KCNQ3: variants seen among roughly 807,000 people sequenced by gnomAD.
KCNQ3 encodes the protein potassium voltage-gated channel subfamily KQT member 3.
In KCNQ3, 30 loss-of-function variants were observed where a neutral mutation model predicts 92.5. The ratio of observed to expected loss-of-function variants is 0.32; its 90% CI spans 0.24 to 0.44. The LOEUF (loss-of-function observed/expected upper bound fraction) is 0.44. Among genes scored for constraint, KCNQ3 ranks in the 20% least tolerant of loss-of-function variants. The pLI, the probability that KCNQ3 is intolerant of heterozygous loss-of-function variation, is 1.00. For missense variants in KCNQ3, 913 were observed against 1,140.3 expected, an observed-to-expected ratio of 0.80 and a Z score of 2.87; for synonymous variants, 450 against 468.8, an observed-to-expected ratio of 0.96 and a Z score of 0.52.
chr8:132,461,585 A>AAAAGT (rs1822063288), intron 1 of KCNQ3, among the ~76,000 whole-genome samples: 1 of 152,142 alleles, frequency 6.6e-6, no homozygotes, highest in Admixed American at 6.6e-5. Flanking sequence ...AAAAGAAAAG[A>AAAAGT]AAAGGCACCC....
At chr8:132,293,022 A>G (rs1302909427) in intron 1 of KCNQ3, among the ~76,000 whole-genome samples, 2 of 152,002 alleles carry the variant, frequency 1.3e-5, no homozygotes, top group Admixed American at 1.3e-4. Flanking sequence ...TCCATAGAAA[A>G]CCCAAGAGAA....
At chr8:132,285,807 T>C (rs1252395330) in intron 1 of KCNQ3, among the ~76,000 whole-genome samples, 1 of 152,182 alleles carries the variant, frequency 6.6e-6, no homozygotes, top group South Asian at 2.1e-4. Flanking sequence ...GAGGGCAGAA[T>C]GGTTTTCTGG....
intron 1 of KCNQ3, among the ~76,000 whole-genome samples, chr8:132,362,590 T>C (rs966521766): frequency 2.6e-5 from 4 of 152,154 alleles, no homozygotes; most frequent in Non-Finnish European, 5.9e-5. Context: ...TTGTGCTTGC[T>C]CCTGAGTAAG....
At chr8:132,219,435 T>C (rs1814145798) in intron 1 of KCNQ3, among the ~76,000 whole-genome samples, 1 of 152,148 alleles carries the variant, frequency 6.6e-6, no homozygotes, top group Non-Finnish European at 1.5e-5. Context: ...ACTGGTGACT[T>C]GGTAAACCCA....
At chr8:132,380,166 AT>A (rs1819709744) in intron 1 of KCNQ3, among the ~76,000 whole-genome samples, 1 of 152,170 alleles carries the variant, frequency 6.6e-6, no homozygotes. Context: ...TAAAAGCCTC[AT>A]GTTTACTGAT....
intron 1 of KCNQ3, among the ~76,000 whole-genome samples, chr8:132,255,118 C>A (rs968994333): frequency 6.6e-6 from 1 of 151,930 alleles, no homozygotes; most frequent in African/African-American, 2.4e-5. Context: ...CCCCTCCCCC[C>A]CACCTCATGA....
chr8:132,455,346 A>G (rs1378605799), intron 1 of KCNQ3, among the ~76,000 whole-genome samples: 1 of 152,242 alleles, frequency 6.6e-6, no homozygotes, highest in Non-Finnish European at 1.5e-5. Flanking sequence ...ACCTCACATG[A>G]CTCTCCTATC....
At chr8:132,374,207 G>C (rs1819551045) in intron 1 of KCNQ3, among the ~76,000 whole-genome samples, 1 of 152,128 alleles carries the variant, frequency 6.6e-6, no homozygotes, top group Non-Finnish European at 1.5e-5. Flanking sequence ...GAAGCCACTT[G>C]ACCTCTCTGA....
At chr8:132,391,074 T>C (rs1293201170) in intron 1 of KCNQ3, among the ~76,000 whole-genome samples, 1 of 152,234 alleles carries the variant, frequency 6.6e-6, no homozygotes, top group Non-Finnish European at 1.5e-5. Context: ...TATTACCACT[T>C]GGAATACCCC....
chr8:132,250,452 G>T (rs1400689910), intron 1 of KCNQ3, among the ~76,000 whole-genome samples: 1 of 152,160 alleles, frequency 6.6e-6, no homozygotes, highest in African/African-American at 2.4e-5. Context: ...AATGAACTAG[G>T]AAATAGTGTG....
At chr8:132,132,069 C>T in intron 14 of KCNQ3, 111 bp downstream of exon 14, 1 of 771,720 alleles carries the variant, frequency 1.3e-6, no homozygotes, top group South Asian at 1.5e-5. Flanking sequence ...GCCTGGGCAA[C>T]AGAGTGAACC....
chr8:132,164,730 C>T (rs1018691481), intron 8 of KCNQ3, among the ~76,000 whole-genome samples: 4 of 152,116 alleles, frequency 2.6e-5, no homozygotes, highest in African/African-American at 7.2e-5. Flanking sequence ...AGCTGAAGAG[C>T]ATATTGGAAG....
At chr8:132,458,782 C>G (rs191772820) in intron 1 of KCNQ3, among the ~76,000 whole-genome samples, 1 of 152,340 alleles carries the variant, frequency 6.6e-6, no homozygotes, top group Non-Finnish European at 1.5e-5. Context: ...TAGAGAAATA[C>G]TGATACTGTA....
At chr8:132,353,098 C>T (rs1232839742) in intron 1 of KCNQ3, among the ~76,000 whole-genome samples, 4 of 152,194 alleles carry the variant, frequency 2.6e-5, no homozygotes, top group East Asian at 1.9e-4. Context: ...TGGTGGTGGG[C>T]GCCTGTAATC....
rs190265527 is a variant in KCNQ3, at chr8:132,307,912, T to C, written c.387-121731A>G. On this transcript the variant is annotated intron_variant, in intron 1 of 14. Coordinates refer to ENST00000388996, the MANE Select transcript of KCNQ3 (RefSeq NM_004519.4). ...CCACACTTCCATAGGGTTCTCTTTA[T>C]GTTCCCTGGTGACAGAAATGTGTCC... Among the ~76,000 whole-genome samples the C allele has an allele frequency of 3.6e-3, 546 of 152,300 alleles. 4 individuals carry two copies. Among genetic ancestry groups the C allele is most frequent in the African/African-American group, 0.013 (525 of 41,564 alleles).
At chr8:132,367,865 C>T (rs2130733229) in intron 1 of KCNQ3, among the ~76,000 whole-genome samples, 1 of 152,298 alleles carries the variant, frequency 6.6e-6, no homozygotes, top group South Asian at 2.1e-4. Flanking sequence ...ATTTGAGAAT[C>T]AGAACTCCCA....
chr8:132,444,533 T>C (rs1177298763), intron 1 of KCNQ3, among the ~76,000 whole-genome samples: 1 of 152,230 alleles, frequency 6.6e-6, no homozygotes. Context: ...GAAAATCATG[T>C]AACTTTTCTG....
At chr8:132,218,666 G>A (rs1814120152) in intron 1 of KCNQ3, among the ~76,000 whole-genome samples, 1 of 152,170 alleles carries the variant, frequency 6.6e-6, no homozygotes, top group South Asian at 2.1e-4. Context: ...TGCAGAGGGA[G>A]GTCAAAATCT....
intron 1 of KCNQ3, among the ~76,000 whole-genome samples, chr8:132,258,710 C>T (rs1815675049): frequency 6.6e-6 from 1 of 151,694 alleles, no homozygotes; most frequent in Admixed American, 6.6e-5. Flanking sequence ...TCAATAAAAC[C>T]ATAAATTTAC....
Sources: gnomAD v4.1 joint callset for allele counts (sites outside exome capture counted in the v4.1 genomes callset) on GRCh38, gnomAD v4.1.1 for gene constraint, MANE v1.5 for transcripts, NCBI Gene and HGNC (gene_info 2026-07-23, HGNC 2026-07-21) for gene names.